Variants in DLG2 observed in about 807,000 individuals in gnomAD.
The protein encoded by DLG2 is discs large MAGUK scaffold protein 2, also known as disks large homolog 2.
In DLG2, 45 loss-of-function variants were observed where a neutral mutation model predicts 132.5. The ratio of observed to expected loss-of-function variants is 0.34; its 90% CI spans 0.27 to 0.44. The LOEUF is 0.44. DLG2 is among the 20% of genes least tolerant of loss of function. The pLI is 1.00. For synonymous variants in DLG2, 424 were observed against 419.6 expected (o/e 1.01, Z -0.13); for missense variants, 1,045 against 1,196.9 (o/e 0.87, Z 1.87).
At position 84,203,455 on chromosome 11, in the gene DLG2, G is replaced by T. The variant is rs189971064; in HGVS notation, c.574-39944C>A. Among the ~76,000 whole-genome samples the T allele has an allele frequency of 7.6e-3, 1,155 of 152,092 alleles. 13 individuals carry two copies. The highest frequency in any genetic ancestry group is 0.048 in the Middle Eastern group (14 of 294). The stretch of plus-strand genomic sequence containing the variant: ...AAATTAGCTGGGCGTGGTGGCGGGT[G>T]CCTGTAGTTCCAGCTACTTGGGAGG... On this transcript the variant is annotated intron_variant, in intron 8 of 27. Coordinates refer to ENST00000376104, the MANE Select transcript of DLG2 (RefSeq NM_001142699.3).
rs968813208 is a variant in DLG2 at position 83,458,416 on chromosome 11, G to T, written c.*1402C>A. ...TTGGTTGAGCTCAAAGTCATTAATT[G>T]TCTTTCCTTGTGACTCTATCTCTTT... On this transcript the variant is annotated 3_prime_UTR_variant, in exon 28 of 28. Coordinates refer to ENST00000376104, the MANE Select transcript of DLG2 (RefSeq NM_001142699.3). 6.6e-6 allele frequency: 1 copy of T among 152,502 alleles called. No individual in the cohort carries two copies. Among genetic ancestry groups the T allele is most frequent in the Admixed American group, 6.5e-5 (1 of 15,268 alleles). 9.4% of individuals were successfully genotyped at this position (152,502 alleles called of 1,614,324 possible). A position where few individuals can be genotyped will look rare whatever the true frequency, so the allele number is the denominator to read the frequency against.
chr11:85,159,335 C>G (rs530808935), intron 4 of DLG2, among the ~76,000 whole-genome samples: 1 of 152,312 alleles, frequency 6.6e-6, no homozygotes, highest in Non-Finnish European at 1.5e-5. Context: ...TACTTGCAAG[C>G]TGGCAGAACC....
chr11:85,212,335 TTCTC>T (rs996649557), intron 4 of DLG2, among the ~76,000 whole-genome samples: 5 of 151,624 alleles, frequency 3.3e-5, no homozygotes, highest in Non-Finnish European at 7.4e-5. Flanking sequence ...TTCTCCGTCT[TTCTC>T]TCTCTCTCTG....
In DLG2 at chr11:84,985,991, C is replaced by CAAAAAAAAA. The variant is rs71036455; in HGVS notation, c.357+125661_357+125669dup. Among the ~76,000 whole-genome samples the CAAAAAAAAA allele has an allele frequency of 2.9e-4, 13 of 44,228 alleles. 2 individuals carry two copies. The highest frequency in any genetic ancestry group is 1.4e-3 in the Admixed American group (3 of 2,214). The allele number at this position is 44,228 out of a possible 152,430, so 29.0% of individuals were successfully genotyped here. A position where few individuals can be genotyped will look rare whatever the true frequency, so the allele number is the denominator to read the frequency against. On this transcript the variant is annotated intron_variant, in intron 6 of 27. Transcript: ENST00000376104. ...TGGGCAACGGAGCAAGACTCCGTCT[C>CAAAAAAAAA]AAAAAAAAAAAAAAAAAAAAAAAAA...
chr11:83,572,551 A>G (rs2143902128), intron 19 of DLG2, among the ~76,000 whole-genome samples: 1 of 152,296 alleles, frequency 6.6e-6, no homozygotes, highest in Middle Eastern at 3.4e-3. Context: ...CCCCTATTCA[A>G]GGCAATTGAA....
chr11:85,467,096 AT>A (rs1445616325), intron 3 of DLG2, among the ~76,000 whole-genome samples: 1 of 152,098 alleles, frequency 6.6e-6, no homozygotes, highest in African/African-American at 2.4e-5. Flanking sequence ...TTCACTCATG[AT>A]TTGGCTCTCT....
At chr11:84,272,736 T>C (rs759009401) in intron 7 of DLG2, among the ~76,000 whole-genome samples, 2 of 152,204 alleles carry the variant, frequency 1.3e-5, no homozygotes, top group Non-Finnish European at 2.9e-5. Flanking sequence ...GAGTAAAGAA[T>C]AGCAATTTTG....
chr11:84,270,480 C>A (rs1304905783), intron 7 of DLG2, among the ~76,000 whole-genome samples: 1 of 152,184 alleles, frequency 6.6e-6, no homozygotes, highest in Non-Finnish European at 1.5e-5. Context: ...GCAGCACTAT[C>A]CAGGTATCAG....
chr11:84,375,852 T>C (rs935372077), intron 7 of DLG2, among the ~76,000 whole-genome samples: 1 of 152,102 alleles, frequency 6.6e-6, no homozygotes, highest in Non-Finnish European at 1.5e-5. Context: ...GAATATGCCT[T>C]CTTTGGTTGT....
chr11:84,442,661 T>C (rs2099020879), intron 7 of DLG2, among the ~76,000 whole-genome samples: 1 of 151,278 alleles, frequency 6.6e-6, no homozygotes, highest in South Asian at 2.1e-4. Context: ...CTAACAAACT[T>C]GCACATTCTG....
intron 19 of DLG2, among the ~76,000 whole-genome samples, chr11:83,581,261 C>G (rs1436265757): frequency 6.6e-6 from 1 of 152,012 alleles, no homozygotes; most frequent in Non-Finnish European, 1.5e-5. Context: ...TTTAAAATCA[C>G]CTGGAATAAA....
intron 6 of DLG2, among the ~76,000 whole-genome samples, chr11:84,625,316 G>T (rs1379036405): frequency 6.6e-6 from 1 of 152,136 alleles, no homozygotes; most frequent in Non-Finnish European, 1.5e-5. Flanking sequence ...ACTGGCAACT[G>T]CACTAGAAAC....
intron 15 of DLG2, among the ~76,000 whole-genome samples, chr11:83,908,533 A>G (rs1020611860): frequency 6.6e-6 from 1 of 152,082 alleles, no homozygotes; most frequent in African/African-American, 2.4e-5. Context: ...AAAACAGAGC[A>G]TATTTTTCAT....
chr11:83,847,218 T>A (rs1411800157), intron 16 of DLG2, among the ~76,000 whole-genome samples: 1 of 152,190 alleles, frequency 6.6e-6, no homozygotes. Context: ...GTGTCATTTG[T>A]TCTCAAGCTC....
rs573664102 is a variant in DLG2 at position 85,357,184 on chromosome 11, C to G, written c.41-71819G>C. ...TGCATTTCCTTTTCACTATGCATAC[C>G]TCCAAAAAGATAAGGTTTGAGAGCA... On this transcript the variant is annotated intron_variant, in intron 3 of 27. Transcript: ENST00000376104. Among the ~76,000 whole-genome samples, 135 of 151,048 alleles carry G rather than the reference C, an allele frequency of 8.9e-4. 1 individual carries two copies. Among genetic ancestry groups the G allele is most frequent in the Middle Eastern group, 6.8e-3 (2 of 294 alleles).
chr11:84,054,915 A>C (rs1184366215), intron 11 of DLG2, among the ~76,000 whole-genome samples: 1 of 152,076 alleles, frequency 6.6e-6, no homozygotes, highest in Non-Finnish European at 1.5e-5. Flanking sequence ...AATCTATAAA[A>C]TAGATTTATT....
chr11:85,577,134 C>T (rs1466578065), intron 3 of DLG2, among the ~76,000 whole-genome samples: 1 of 152,060 alleles, frequency 6.6e-6, no homozygotes, highest in Non-Finnish European at 1.5e-5. Context: ...GACAGGAAGC[C>T]AGTGAAAGAT....
At chr11:83,610,674 GTAATAA>G (rs141938871) in intron 19 of DLG2, among the ~76,000 whole-genome samples, 8 of 151,472 alleles carry the variant, frequency 5.3e-5, no homozygotes, top group African/African-American at 7.3e-5. Context: ...ATGCAATGAG[GTAATAA>G]TAATAATAAT....
chr11:85,254,420 A>G (rs957199523), intron 4 of DLG2, among the ~76,000 whole-genome samples: 1 of 152,240 alleles, frequency 6.6e-6, no homozygotes, highest in African/African-American at 2.4e-5. Context: ...TGAAGAGCCC[A>G]GTCTTACCTT....
Sources: allele counts gnomAD v4.1 joint callset (sites outside exome capture counted in the v4.1 genomes callset), GRCh38; gene constraint gnomAD v4.1.1; transcripts MANE v1.5; gene names NCBI Gene and HGNC (gene_info 2026-07-23, HGNC 2026-07-21).